EEA1: variants seen among roughly 807,000 people sequenced by gnomAD.
EEA1 encodes the protein early endosome antigen 1, 162kD.
A neutral mutation model predicts 209.2 loss-of-function variants in EEA1; 111 were observed. That is an observed-to-expected ratio of 0.53 (90% CI 0.45 to 0.62). The LOEUF (loss-of-function observed/expected upper bound fraction) is 0.62, where lower values mean the gene tolerates loss of function less well. Among genes scored for constraint, EEA1 ranks in the 20% least tolerant of loss-of-function variants. EEA1 has a pLI of 0.00. For synonymous variants in EEA1, 536 were observed against 540.6 expected (o/e 0.99, Z 0.12); for missense variants, 1,343 against 1,530.8 (o/e 0.88, Z 2.05).
At chr12:92,816,434 C>A (rs1875788673) in intron 14 of EEA1, 34 bp from the exon 15 acceptor site, 2 of 1,581,442 alleles carry the variant, frequency 1.3e-6, no homozygotes, top group Non-Finnish European at 8.6e-7. Context: ...GTGAAGTTCA[C>A]AAATGACATA....
In EEA1 at chr12:92,851,267, CT is replaced by C. The variant is rs1248646819; in HGVS notation, c.643-2del. The C allele has an allele frequency of 6.2e-7, 1 of 1,601,120 alleles. No individual in the cohort carries two copies. The highest frequency in any genetic ancestry group is 8.5e-7 in the Non-Finnish European group (1 of 1,176,610). ...CATCTTCTATACCAGGTCTCTGAAG[CT>C]GTGAAACAACACATTTTAATTAAAA... On this transcript the variant is annotated splice_acceptor_variant, in intron 8 of 28. Coordinates refer to ENST00000322349, the MANE Select transcript of EEA1 (RefSeq NM_003566.4). LOFTEE classifies it high-confidence loss of function.
chr12:92,852,391 T>G (rs921761154), intron 7 of EEA1, 95 bp from the exon 8 acceptor site: 2 of 741,982 alleles, frequency 2.7e-6, no homozygotes, highest in African/African-American at 3.7e-5. Context: ...TCACTCTAAT[T>G]CAAATTCACA....
chr12:92,835,346 A>G (rs1339337052), intron 10 of EEA1: 1 of 300,956 alleles, frequency 3.3e-6, no homozygotes, highest in African/African-American at 2.3e-5. Context: ...ACTTACTTAG[A>G]AAGTAACCAA....
Position 92,866,535 on chromosome 12 carries a change from A to AT in EEA1, c.118-1549dup, listed in dbSNP as rs202122596. 7.3e-4 allele frequency among the ~76,000 whole-genome samples: 107 copies of AT among 147,282 alleles called. No individual in the cohort carries two copies. The South Asian group carries it at 7.6e-3, about 10-fold the overall frequency. On this transcript the variant is annotated intron_variant, in intron 2 of 28. Coordinates refer to ENST00000322349, the MANE Select transcript of EEA1 (RefSeq NM_003566.4). The stretch of plus-strand genomic sequence containing the variant: ...AGAATGGTCATCCTCTCTTGATTCT[A>AT]TAAAAAAAAAAAAATACAATTCCCT...
intron 5 of EEA1, among the ~76,000 whole-genome samples, chr12:92,855,423 C>A (rs1877832927): frequency 7.4e-6 from 1 of 135,966 alleles, no homozygotes; most frequent in Admixed American, 7.6e-5. Context: ...CAGAGCGAGA[C>A]TCTGTCTCAA....
chr12:92,815,090 G>C (rs1326355366), intron 15 of EEA1, among the ~76,000 whole-genome samples: 1 of 152,146 alleles, frequency 6.6e-6, no homozygotes, highest in Non-Finnish European at 1.5e-5. Flanking sequence ...AGCTCATAAA[G>C]AAGTTAAAGT....
chr12:92,867,530 A>G (rs1878456197), intron 2 of EEA1, among the ~76,000 whole-genome samples: 1 of 152,314 alleles, frequency 6.6e-6, no homozygotes, highest in Non-Finnish European at 1.5e-5. Flanking sequence ...GAGCTAAGCA[A>G]TAAGTACTCT....
chr12:92,898,122 C>G (rs1879968171), intron 1 of EEA1, among the ~76,000 whole-genome samples: 1 of 152,076 alleles, frequency 6.6e-6, no homozygotes, highest in South Asian at 2.1e-4. Flanking sequence ...GAAACTAGAA[C>G]AAGTACAAAA....
At chr12:92,878,734 G>T (rs1879018065) in intron 2 of EEA1, among the ~76,000 whole-genome samples, 1 of 151,910 alleles carries the variant, frequency 6.6e-6, no homozygotes, top group Non-Finnish European at 1.5e-5. Context: ...TTAATAAATG[G>T]ATAAACTAAT....
chr12:92,810,859 A>G (rs796320265), intron 17 of EEA1, among the ~76,000 whole-genome samples: 5 of 152,212 alleles, frequency 3.3e-5, no homozygotes, highest in African/African-American at 1.2e-4. Flanking sequence ...AGCAAAATCC[A>G]AAGGGTATAA....
rs1874520346 is a variant in EEA1, at chr12:92,793,751, T to A, written c.2967+5141A>T. On this transcript the variant is annotated intron_variant, in intron 21 of 28. Transcript: ENST00000322349. Reference sequence around the variant, plus strand: ...AATGCCATCACCATCAAGCTACCAATGACTTTCTTCATAGAATCGGAAAAA... The same window carrying A: ...AATGCCATCACCATCAAGCTACCAAAGACTTTCTTCATAGAATCGGAAAAA... Among the ~76,000 whole-genome samples the A allele has an allele frequency of 2.0e-5, 3 of 152,292 alleles. No homozygotes were observed. The South Asian group carries it at 6.2e-4, about 32-fold the overall frequency.
At chr12:92,836,435 G>A (rs1002345417) in intron 10 of EEA1, among the ~76,000 whole-genome samples, 8 of 151,652 alleles carry the variant, frequency 5.3e-5, no homozygotes, top group Non-Finnish European at 7.4e-5. Flanking sequence ...TTTTTCATTT[G>A]TTACTTGTTC....
chr12:92,858,135 T>A (rs1877969877), intron 3 of EEA1: 2 of 584,292 alleles, frequency 3.4e-6, no homozygotes, highest in East Asian at 6.0e-5. Flanking sequence ...GGCACATTCC[T>A]CTTCACCTCA....
intron 5 of EEA1, among the ~76,000 whole-genome samples, chr12:92,856,244 C>T (rs892641469): frequency 3.3e-5 from 5 of 152,034 alleles, no homozygotes; most frequent in African/African-American, 7.2e-5. Flanking sequence ...GGTAAAACTT[C>T]GTTAATCTTT....
At chr12:92,795,668 A>C (rs1429502598) in intron 21 of EEA1, among the ~76,000 whole-genome samples, 1 of 152,226 alleles carries the variant, frequency 6.6e-6, no homozygotes, top group African/African-American at 2.4e-5. Context: ...CTAACTGCCT[A>C]TCGGGGAGCA....
rs552667783 is a variant in EEA1, at chr12:92,880,459, A to G, written c.117+11170T>C. On this transcript the variant is annotated intron_variant, in intron 2 of 28. Coordinates refer to ENST00000322349, the MANE Select transcript of EEA1 (RefSeq NM_003566.4). The stretch of plus-strand genomic sequence containing the variant: ...AGCTGGGATTACACGCACACGCCAC[A>G]GTGCCTGGCTAATTTTTTTTGTTGT... Among the ~76,000 whole-genome samples, 6 of 151,988 alleles carry G rather than the reference A, an allele frequency of 3.9e-5. No homozygotes were observed. In the South Asian group the frequency reaches 1.2e-3, roughly 32 times the overall value.
At chr12:92,785,581 T>C (rs1874096272) in intron 22 of EEA1, among the ~76,000 whole-genome samples, 1 of 152,240 alleles carries the variant, frequency 6.6e-6, no homozygotes, top group Non-Finnish European at 1.5e-5. Context: ...AAGTAGTTCA[T>C]ACACTTCTCA....
chr12:92,787,643 A>G (rs1874190339), intron 22 of EEA1, among the ~76,000 whole-genome samples: 1 of 152,136 alleles, frequency 6.6e-6, no homozygotes. Flanking sequence ...TGTCACAATT[A>G]AGATATATCC....
chr12:92,802,320 C>A, intron 19 of EEA1, 84 bp downstream of exon 19: 3 of 1,275,518 alleles, frequency 2.4e-6, no homozygotes, highest in Non-Finnish European at 3.2e-6. Context: ...GAAAGAAAAG[C>A]AAACTGTGAA....
Sources: gnomAD v4.1 joint callset for allele counts (sites outside exome capture counted in the v4.1 genomes callset) on GRCh38, gnomAD v4.1.1 for gene constraint, MANE v1.5 for transcripts, NCBI Gene and HGNC (gene_info 2026-07-23, HGNC 2026-07-21) for gene names.